PPP1R21: variants seen among roughly 807,000 people sequenced by gnomAD.
The protein encoded by PPP1R21 is protein phosphatase 1 regulatory subunit 21, also known as KLRAQ motif containing 1.
A neutral mutation model predicts 112.8 loss-of-function variants in PPP1R21; 85 were observed. The observed-to-expected ratio is 0.75, with a 90% CI of 0.63 to 0.90. The LOEUF is 0.90. PPP1R21 is among the 40% of genes least tolerant of loss of function. PPP1R21 has a pLI of 0.00. For synonymous variants in PPP1R21, 381 were observed against 322.3 expected, an observed-to-expected ratio of 1.18 and a Z score of -1.95; for missense variants, 1,199 against 901.5, an observed-to-expected ratio of 1.33 and a Z score of -4.23.
intron 12 of PPP1R21, among the ~76,000 whole-genome samples, chr2:48,479,095 C>T (rs1668887884): frequency 1.3e-5 from 2 of 152,132 alleles, no homozygotes; most frequent in African/African-American, 4.8e-5. Flanking sequence ...GATCAGGGCC[C>T]CACTTTTCTT....
At chr2:48,451,908 T>C (rs1442182669) in intron 2 of PPP1R21, among the ~76,000 whole-genome samples, 3 of 152,198 alleles carry the variant, frequency 2.0e-5, no homozygotes, top group Non-Finnish European at 4.4e-5. Context: ...AATTGTCCTT[T>C]TACGTAGTCA....
chr2:48,498,424 G>C (rs77596425), intron 16 of PPP1R21, 69 bp from the exon 17 acceptor site: 2 of 1,536,130 alleles, frequency 1.3e-6, no homozygotes, highest in East Asian at 4.5e-5. Flanking sequence ...CATTCTGTAA[G>C]ATAGTTTTTG....
In PPP1R21 at chr2:48,459,836, A is replaced by G; in HGVS notation, c.458A>G (p.Gln153Arg). ...RLATLETEAA[Q>R]HQAVVDGLTR... ...GCCACTCTGGAGACAGAAGCAGCCCAGCACCAAGCTGTGGTTGACGGTCTC... is the reference window on the plus strand; with the variant it reads ...GCCACTCTGGAGACAGAAGCAGCCCGGCACCAAGCTGTGGTTGACGGTCTC... The change falls in exon 5 of 22, where the codon CAG (glutamine) becomes CGG (arginine). Residue 153 changes from glutamine (Q) to arginine (R), a missense_variant. Coordinates refer to ENST00000294952, the MANE Select transcript of PPP1R21 (RefSeq NM_001135629.3). 3 of 1,614,244 alleles carry G rather than the reference A, an allele frequency of 1.9e-6. No homozygotes were observed. Among genetic ancestry groups the G allele is most frequent in the Non-Finnish European group, 2.5e-6 (3 of 1,180,058 alleles).
chr2:48,492,286 C>G (rs1178372591), intron 15 of PPP1R21, among the ~76,000 whole-genome samples: 1 of 152,162 alleles, frequency 6.6e-6, no homozygotes, highest in Admixed American at 6.5e-5. Context: ...AATCTATAAA[C>G]AAAGAATTTT....
At chr2:48,442,987 G>A (rs1464209943) in intron 1 of PPP1R21, among the ~76,000 whole-genome samples, 2 of 152,188 alleles carry the variant, frequency 1.3e-5, no homozygotes, top group Non-Finnish European at 2.9e-5. Context: ...TGGGAAAAAA[G>A]CAGGGAGTAG....
chr2:48,451,051 A>T lies in PPP1R21; in HGVS notation c.101A>T (p.Glu34Val), dbSNP rs1345841814. Residue 34 changes from glutamate (E) to valine (V), a missense_variant, in exon 2 of 22, where the codon GAA (glutamate) becomes GTA (valine). By Grantham distance (121) the Glu-to-Val change is moderately radical. Transcript: ENST00000294952. ...NQVLKKGVVD[E>V]QANSAALKEQ... ...GTTCTGAAAAAAGGTGTTGTGGATGAACAAGCAAATTCTGCAGCTTTAAAG... is the reference window on the plus strand; with the variant it reads ...GTTCTGAAAAAAGGTGTTGTGGATGTACAAGCAAATTCTGCAGCTTTAAAG... 1.2e-6 allele frequency: 2 copies of T among 1,613,726 alleles called. No homozygotes were observed. The highest frequency in any genetic ancestry group is 8.5e-7 in the Non-Finnish European group (1 of 1,179,784).
intron 12 of PPP1R21, among the ~76,000 whole-genome samples, chr2:48,475,401 C>T (rs1380990158): frequency 6.6e-6 from 1 of 152,100 alleles, no homozygotes; most frequent in Non-Finnish European, 1.5e-5. Flanking sequence ...AGGCATTGAG[C>T]ATGCATTAAA....
intron 11 of PPP1R21, among the ~76,000 whole-genome samples, chr2:48,472,386 G>A (rs1426389337): frequency 6.6e-6 from 1 of 152,104 alleles, no homozygotes; most frequent in Non-Finnish European, 1.5e-5. Flanking sequence ...AGCACTTTGG[G>A]AGGCCAAAGA....
chr2:48,462,100 C>G (rs946189767), intron 7 of PPP1R21, among the ~76,000 whole-genome samples: 2 of 152,180 alleles, frequency 1.3e-5, no homozygotes, highest in African/African-American at 2.4e-5. Flanking sequence ...TACATTTTCC[C>G]TTTAAGCCTT....
chr2:48,454,626 G>A lies in PPP1R21; in HGVS notation c.158G>A (p.Arg53Lys). The change falls in exon 3 of 22, where the codon AGA becomes AAA. Residue 53 changes from arginine to lysine, a missense_variant. Coordinates refer to ENST00000294952, the MANE Select transcript of PPP1R21 (RefSeq NM_001135629.3). The part of the protein sequence containing the change: ...EQLKMKDQSL[R>K]KLQQEMDSLT... ...CTGAAAATGAAGGATCAGTCATTGA[G>A]AAAACTACAACAGGAAATGGACAGT... 6.2e-7 allele frequency: 1 copy of A among 1,614,096 alleles called. No individual in the cohort carries two copies. The highest frequency in any genetic ancestry group is 8.5e-7 in the Non-Finnish European group (1 of 1,179,954).
At chr2:48,500,682 G>A (rs573641469) in intron 17 of PPP1R21, among the ~76,000 whole-genome samples, 37 of 152,122 alleles carry the variant, frequency 2.4e-4, no homozygotes, top group Non-Finnish European at 4.3e-4. Context: ...AGGCCGAGGC[G>A]GGTGGATTGC....
At chr2:48,493,687 T>A (rs369134980) in intron 15 of PPP1R21, among the ~76,000 whole-genome samples, 1 of 152,230 alleles carries the variant, frequency 6.6e-6, no homozygotes, top group South Asian at 2.1e-4. Context: ...AATAATTATT[T>A]TTTTTCAATA....
chr2:48,461,185 A>G lies in PPP1R21; in HGVS notation c.647A>G (p.Glu216Gly). ...TLHEDLSGRL[E>G]ESLSIINEKV... ...CATGAAGATTTGTCAGGTAGATTAG[A>G]GGAATCCTTATCAATCATCAATGAA... is the stretch of plus-strand genomic sequence containing the variant. Residue 216 changes from glutamate to glycine, a missense_variant, in exon 7 of 22, where the codon GAG becomes GGG. By Grantham distance (98) the Glu-to-Gly change is moderately conservative. Transcript: ENST00000294952. The G allele has an allele frequency of 6.3e-7, 1 of 1,584,948 alleles. No homozygotes were observed. The highest frequency in any genetic ancestry group is 8.5e-7 in the Non-Finnish European group (1 of 1,171,250).
chr2:48,465,844 G>A (rs1343337500), intron 9 of PPP1R21, among the ~76,000 whole-genome samples: 2 of 152,184 alleles, frequency 1.3e-5, no homozygotes, highest in Non-Finnish European at 2.9e-5. Flanking sequence ...GTATTAGTCT[G>A]TTTTCACACT....
At chr2:48,501,067 C>G (rs1242835258) in intron 17 of PPP1R21, among the ~76,000 whole-genome samples, 1 of 152,202 alleles carries the variant, frequency 6.6e-6, no homozygotes, top group Non-Finnish European at 1.5e-5. Flanking sequence ...AGTCACAAGT[C>G]CTGCATGTTG....
At chr2:48,500,583 T>G (rs572932315) in intron 17 of PPP1R21, among the ~76,000 whole-genome samples, 29 of 152,022 alleles carry the variant, frequency 1.9e-4, no homozygotes, top group Non-Finnish European at 4.3e-4. Flanking sequence ...ACAACAACAA[T>G]TAAAATTTTT....
At chr2:48,444,340 G>A (rs375214030) in intron 1 of PPP1R21, among the ~76,000 whole-genome samples, 1 of 152,178 alleles carries the variant, frequency 6.6e-6, no homozygotes. Flanking sequence ...ACAGATGCAA[G>A]CTACCTCCTT....
chr2:48,465,549 G>A lies in PPP1R21; in HGVS notation c.804G>A (p.Thr268=), dbSNP rs754591023. 4.3e-6 allele frequency: 7 copies of A among 1,613,676 alleles called. No individual in the cohort carries two copies. Among genetic ancestry groups the A allele is most frequent in the South Asian group, 1.1e-5 (1 of 91,010 alleles). The change falls in exon 9 of 22, where the codon ACG becomes ACA. Residue 268 remains threonine (T), a synonymous_variant. Transcript: ENST00000294952. ...TGGCTTTTGTTCAGGATCTTGTGAC[G>A]GCTCTTCTAAACTTTCATACCTACA... The part of the protein sequence containing the change: ...QALAFVQDLV[T]ALLNFHTYTE...
chr2:48,442,658 G>C (rs1011375740), intron 1 of PPP1R21, among the ~76,000 whole-genome samples: 7 of 152,176 alleles, frequency 4.6e-5, no homozygotes, highest in Non-Finnish European at 1.0e-4. Flanking sequence ...CGAAGACATT[G>C]GATAAGCGTT....
Sources: allele counts gnomAD v4.1 joint callset (sites outside exome capture counted in the v4.1 genomes callset), GRCh38; gene constraint gnomAD v4.1.1; transcripts MANE v1.5; gene names NCBI Gene and HGNC (gene_info 2026-07-23, HGNC 2026-07-21).